The following CD226 variants were observed in gnomAD, a reference collection of about 807,000 sequenced individuals.
CD226 encodes the protein CD226 molecule.
CD226 carries 24 observed loss-of-function variants against 34.9 expected under a neutral mutation model. The ratio of observed to expected loss-of-function variants is 0.69; its 90% CI spans 0.50 to 0.97. The LOEUF (loss-of-function observed/expected upper bound fraction) is 0.97, where lower values mean the gene tolerates loss of function less well. CD226 is among the 50% of genes least tolerant of loss of function. The probability of loss-of-function intolerance (pLI) is 0.00; values close to 1 mark genes in which losing one functional copy is unlikely to be tolerated. For synonymous variants in CD226, 148 were observed against 147.4 expected, an observed-to-expected ratio of 1.00 and a Z score of -0.03; for missense variants, 397 against 412.7, an observed-to-expected ratio of 0.96 and a Z score of 0.33.
At chr18:69,913,777 G>A (rs991729254) in intron 2 of CD226, among the ~76,000 whole-genome samples, 2 of 152,172 alleles carry the variant, frequency 1.3e-5, no homozygotes, top group African/African-American at 2.4e-5. Context: ...GTGTCCTAGT[G>A]AAATGCTAAG....
chr18:69,895,714 C>A lies in CD226; in HGVS notation c.714G>T (p.Leu238Phe). 6.2e-7 allele frequency: 1 copy of A among 1,612,522 alleles called. No individual in the cohort carries two copies. Among genetic ancestry groups the A allele is most frequent in the South Asian group, 1.1e-5 (1 of 91,024 alleles). The part of the protein sequence containing the change: ...AGENETFVMR[L>F]TVAEGKTDNQ... ...GTGCTCACTCACCCTCGGCTACAGT[C>A]AATCTCATCACGAAGGTTTCGTTTT... The change falls in exon 3 of 6, where the codon TTG becomes TTT. Residue 238 changes from leucine to phenylalanine, a missense_variant. By Grantham distance (22) the Leu-to-Phe change is conservative. Transcript: ENST00000582621.
chr18:69,864,582 G>T, intron 5 of CD226, 143 bp from the exon 6 acceptor site: 1 of 777,622 alleles, frequency 1.3e-6, no homozygotes, highest in Non-Finnish European at 2.0e-6. Flanking sequence ...CATTCTCATT[G>T]TATTGAACTT....
chr18:69,916,302 A>G (rs2055385124), intron 2 of CD226, among the ~76,000 whole-genome samples: 1 of 152,224 alleles, frequency 6.6e-6, no homozygotes, highest in African/African-American at 2.4e-5. Context: ...GACAAAACCA[A>G]TTTTAAATAA....
intron 3 of CD226, among the ~76,000 whole-genome samples, chr18:69,878,739 C>T (rs777628550): frequency 2.0e-5 from 3 of 152,120 alleles, no homozygotes; most frequent in Non-Finnish European, 4.4e-5. Flanking sequence ...ATGTGGTTTT[C>T]GCCGCCATCA....
chr18:69,914,013 T>C (rs1422095493), intron 2 of CD226, among the ~76,000 whole-genome samples: 1 of 152,182 alleles, frequency 6.6e-6, no homozygotes, highest in Non-Finnish European at 1.5e-5. Context: ...ATGCACTACT[T>C]CTATTAGAGA....
intron 2 of CD226, among the ~76,000 whole-genome samples, chr18:69,914,099 G>T (rs978269325): frequency 6.6e-6 from 1 of 152,176 alleles, no homozygotes; most frequent in Non-Finnish European, 1.5e-5. Context: ...AATCTAAAAT[G>T]TCCAGTATTT....
intron 2 of CD226, among the ~76,000 whole-genome samples, chr18:69,912,722 A>G (rs1468291053): frequency 6.6e-6 from 1 of 152,214 alleles, no homozygotes; most frequent in Non-Finnish European, 1.5e-5. Context: ...GCTTGTGACT[A>G]TATTCAATGC....
intron 2 of CD226, among the ~76,000 whole-genome samples, chr18:69,899,903 T>C (rs1985504393): frequency 6.6e-6 from 1 of 152,194 alleles, no homozygotes; most frequent in Admixed American, 6.5e-5. Flanking sequence ...AGAACTACCA[T>C]TTGACCCAGC....
In CD226 at chr18:69,906,521, G is replaced by A. The variant is rs147938295; in HGVS notation, c.383-10476C>T. Among the ~76,000 whole-genome samples, 244 of 152,130 alleles carry A rather than the reference G, an allele frequency of 1.6e-3. 2 individuals are homozygous for A. Among genetic ancestry groups the A allele is most frequent in the African/African-American group, 5.6e-3 (232 of 41,494 alleles). ...TCTTGCTCAGCGCTGCAAAAATCTC[G>A]TCAGGAATAGCAACAGGACTCAAAG... On this transcript the variant is annotated intron_variant, in intron 2 of 5. Transcript: ENST00000582621.
At chr18:69,910,016 CAGTT>C (rs1276842361) in intron 2 of CD226, among the ~76,000 whole-genome samples, 1 of 152,232 alleles carries the variant, frequency 6.6e-6, no homozygotes, top group Non-Finnish European at 1.5e-5. Context: ...ACTTTGCTAA[CAGTT>C]AGAACATGTG....
At position 69,856,123 on chromosome 18, in the gene CD226, CTAA is replaced by C. The variant is rs1190263538; in HGVS notation, c.*8188_*8190del. On this transcript the variant is annotated 3_prime_UTR_variant, in exon 6 of 6. Coordinates refer to ENST00000582621, the MANE Select transcript of CD226 (RefSeq NM_001303618.2). ...ATTAAAAGGATAAAGATGTGAGATG[CTAA>C]TGTTAATTTTTTAAAAAACTGAAAG... is the stretch of plus-strand genomic sequence containing the variant. The C allele has an allele frequency of 4.0e-5, 6 of 151,846 alleles. No homozygotes were observed. Among genetic ancestry groups the C allele is most frequent in the East Asian group, 1.9e-4 (1 of 5,200 alleles). The allele number at this position is 151,846 out of a possible 1,614,324, so 9.4% of individuals were successfully genotyped here.
At chr18:69,961,173 T>C (rs1017189456), upstream of CD226, among the ~76,000 whole-genome samples, 1 of 152,200 alleles carries the variant, frequency 6.6e-6, no homozygotes, top group African/African-American at 2.4e-5. Context: ...GTAGGTATAA[T>C]TGTGTGCCTG....
Position 69,854,002 on chromosome 18 carries a change from T to A in CD226, c.*10312A>T, listed in dbSNP as rs962616708. The A allele has an allele frequency of 6.6e-6, 1 of 152,154 alleles. No homozygotes were observed. The highest frequency in any genetic ancestry group is 2.4e-5 in the African/African-American group (1 of 41,422). The allele number at this position is 152,154 out of a possible 1,614,324, so 9.4% of individuals were successfully genotyped here. On this transcript the variant is annotated 3_prime_UTR_variant, in exon 6 of 6. Coordinates refer to ENST00000582621, the MANE Select transcript of CD226 (RefSeq NM_001303618.2). Reference sequence around the variant, plus strand: ...CAGCAACAGGAACCCTAGTGCAGTATCAGAAAGTCAGGGCAAAGAGACAGG... The same window carrying A: ...CAGCAACAGGAACCCTAGTGCAGTAACAGAAAGTCAGGGCAAAGAGACAGG...
intron 3 of CD226, among the ~76,000 whole-genome samples, chr18:69,888,414 CTCT>C (rs1984688129): frequency 9.9e-6 from 1 of 101,438 alleles, no homozygotes; most frequent in African/African-American, 3.2e-5. Flanking sequence ...TTTTTCCTTT[CTCT>C]TTTTTTTTTT....
chr18:69,902,977 G>C (rs2055206529), intron 2 of CD226, among the ~76,000 whole-genome samples: 1 of 152,104 alleles, frequency 6.6e-6, no homozygotes. Flanking sequence ...TTGACTGCAT[G>C]ATGACTAAGG....
intron 3 of CD226, among the ~76,000 whole-genome samples, chr18:69,887,959 T>C (rs1984659506): frequency 6.6e-6 from 1 of 152,226 alleles, no homozygotes; most frequent in African/African-American, 2.4e-5. Flanking sequence ...AAAGATATAC[T>C]TCTACTTATG....
intron 1 of CD226, among the ~76,000 whole-genome samples, chr18:69,954,701 C>A (rs1240454964): frequency 6.6e-6 from 1 of 151,942 alleles, no homozygotes; most frequent in Non-Finnish European, 1.5e-5. Flanking sequence ...GCATCCAGAG[C>A]CAACTAGTCA....
chr18:69,862,088 T>C lies in CD226; in HGVS notation c.*2226A>G, dbSNP rs1021635553. On this transcript the variant is annotated 3_prime_UTR_variant, in exon 6 of 6. Coordinates refer to ENST00000582621, the MANE Select transcript of CD226 (RefSeq NM_001303618.2). ...ACAAGTTCCAAATGTTCTGGAGGCT[T>C]TGCAATACTGCAGTGGTTTGCTACA... is the stretch of plus-strand genomic sequence containing the variant. 2.0e-5 allele frequency: 3 copies of C among 152,140 alleles called. No individual in the cohort carries two copies. The highest frequency in any genetic ancestry group is 2.0e-4 in the Admixed American group (3 of 15,282). The allele number at this position is 152,140 out of a possible 1,614,324, so 9.4% of individuals were successfully genotyped here.
At chr18:69,894,144 G>C (rs1197664100) in intron 3 of CD226, among the ~76,000 whole-genome samples, 1 of 150,656 alleles carries the variant, frequency 6.6e-6, no homozygotes, top group East Asian at 2.0e-4. Context: ...GAGTGAGGGA[G>C]AAAGGGAGGG....
Sources: gnomAD v4.1 joint callset for allele counts (sites outside exome capture counted in the v4.1 genomes callset) on GRCh38, gnomAD v4.1.1 for gene constraint, MANE v1.5 for transcripts, NCBI Gene and HGNC (gene_info 2026-07-23, HGNC 2026-07-21) for gene names.